IL2RB: variants seen among roughly 807,000 people sequenced by gnomAD.
IL2RB encodes the protein interleukin-2 receptor subunit beta.
In IL2RB, 17 loss-of-function variants were observed where a neutral mutation model predicts 44.2. The observed-to-expected ratio is 0.38, with a 90% CI of 0.26 to 0.58. The LOEUF is 0.58. IL2RB is among the 20% of genes least tolerant of loss of function. IL2RB has a pLI of 0.63. For missense variants in IL2RB, 624 were observed against 685.5 expected, an observed-to-expected ratio of 0.91 and a Z score of 1.00; for synonymous variants, 286 against 297.9, an observed-to-expected ratio of 0.96 and a Z score of 0.41.
chr22:37,146,500 C>T (rs1922233005), intron 1 of IL2RB, among the ~76,000 whole-genome samples: 1 of 152,228 alleles, frequency 6.6e-6, no homozygotes, highest in African/African-American at 2.4e-5. Context: ...CGACACTCAC[C>T]CTCCAAAGGT....
intron 4 of IL2RB, among the ~76,000 whole-genome samples, chr22:37,140,300 T>C: frequency 9.9e-6 from 1 of 101,004 alleles, no homozygotes; most frequent in Admixed American, 8.1e-5. Flanking sequence ...ATTATTATTA[T>C]TATTATTATT....
intron 1 of IL2RB, among the ~76,000 whole-genome samples, chr22:37,160,201 T>C (rs1922810436): frequency 6.6e-6 from 1 of 152,154 alleles, no homozygotes; most frequent in African/African-American, 2.4e-5. Context: ...AGGACACTGA[T>C]TGGCTGATGC....
intron 4 of IL2RB, among the ~76,000 whole-genome samples, chr22:37,139,528 A>G (rs1921864275): frequency 6.6e-6 from 1 of 152,206 alleles, no homozygotes; most frequent in African/African-American, 2.4e-5. Context: ...AGTGGGCTGG[A>G]TATGGCCTAT....
chr22:37,132,617 G>A (rs1165296383), intron 8 of IL2RB, 149 bp from the exon 9 acceptor site: 1 of 632,862 alleles, frequency 1.6e-6, no homozygotes, highest in African/African-American at 1.8e-5. Flanking sequence ...GTTCACTGTG[G>A]GAGGACGCTG....
At position 37,168,111 on chromosome 22, in the gene IL2RB, C is replaced by T. The variant is rs909451827; in HGVS notation, c.-34+6847G>A. 2.6e-5 allele frequency among the ~76,000 whole-genome samples: 4 copies of T among 152,200 alleles called. No homozygotes were observed. The East Asian group carries it at 5.8e-4, about 22-fold the overall frequency. On this transcript the variant is annotated intron_variant, in intron 1 of 5. Transcript: ENST00000429622. ...TGCAAATGATTATAACTAAGGAAAT[C>T]GTGTCAATGTGGTGACCCTTGGCCT... is the stretch of plus-strand genomic sequence containing the variant.
intron 1 of IL2RB, among the ~76,000 whole-genome samples, chr22:37,172,762 A>G: frequency 6.6e-6 from 1 of 152,142 alleles, no homozygotes; most frequent in Non-Finnish European, 1.5e-5. Context: ...TAGCATCGTG[A>G]TGTCTCTGAA....
At chr22:37,160,626 G>A (rs2145736153) in intron 1 of IL2RB, among the ~76,000 whole-genome samples, 2 of 151,354 alleles carry the variant, frequency 1.3e-5, no homozygotes, top group Middle Eastern at 3.4e-3. Flanking sequence ...TGGATTGCTT[G>A]AGCTCAGGAA....
intron 1 of IL2RB, among the ~76,000 whole-genome samples, chr22:37,158,941 C>T (rs978887472): frequency 3.3e-5 from 5 of 152,200 alleles, no homozygotes; most frequent in Admixed American, 2.6e-4. Flanking sequence ...ACAGCCACAA[C>T]GCTGGTTGGC....
chr22:37,150,611 T>C (rs1333314367), upstream of IL2RB, among the ~76,000 whole-genome samples: 2 of 152,212 alleles, frequency 1.3e-5, no homozygotes, highest in Non-Finnish European at 2.9e-5. Flanking sequence ...TAGTTATTTT[T>C]AAATGTACAA....
intron 1 of IL2RB, among the ~76,000 whole-genome samples, chr22:37,169,213 G>T (rs1370957113): frequency 6.6e-6 from 1 of 151,758 alleles, no homozygotes; most frequent in Non-Finnish European, 1.5e-5. Context: ...TTTACAGAGG[G>T]GTTCCTGTTT....
At chr22:37,137,843 C>T (rs1490246288) in intron 5 of IL2RB, 108 bp from the exon 6 acceptor site, 18 of 979,096 alleles carry the variant, frequency 1.8e-5, no homozygotes, top group Admixed American at 2.1e-5. Context: ...CCCTACCCCC[C>T]GACCCAAAGC....
chr22:37,143,453 C>T, intron 3 of IL2RB, 68 bp downstream of exon 3: 1 of 1,041,456 alleles, frequency 9.6e-7, no homozygotes. Context: ...CCTTGGAGTC[C>T]AGTGCATAGG....
intron 1 of IL2RB, among the ~76,000 whole-genome samples, chr22:37,156,956 G>A (rs1922700203): frequency 6.6e-6 from 1 of 152,134 alleles, no homozygotes. Context: ...TGGAAAGTCA[G>A]CAGGTAGCCG....
intron 1 of IL2RB, among the ~76,000 whole-genome samples, chr22:37,156,914 C>T (rs1922698801): frequency 6.6e-6 from 1 of 152,192 alleles, no homozygotes; most frequent in South Asian, 2.1e-4. Flanking sequence ...TTGTGTTCCG[C>T]CCACCCCTGC....
At chr22:37,172,215 TAA>T (rs63579164) in intron 1 of IL2RB, among the ~76,000 whole-genome samples, 53 of 104,430 alleles carry the variant, frequency 5.1e-4, no homozygotes, top group African/African-American at 8.8e-4. Flanking sequence ...AAAGGTAAAG[TAA>T]AAAAAAAAAA....
At chr22:37,142,241 C>A (rs1313029600) in intron 4 of IL2RB, among the ~76,000 whole-genome samples, 193 bp downstream of exon 4, 2 of 152,196 alleles carry the variant, frequency 1.3e-5, no homozygotes, top group African/African-American at 4.8e-5. Context: ...GGCCCTGGGG[C>A]AGGCCTGAGT....
chr22:37,160,412 G>A (rs540001709), intron 1 of IL2RB, among the ~76,000 whole-genome samples: 1 of 152,190 alleles, frequency 6.6e-6, no homozygotes, highest in Admixed American at 6.5e-5. Context: ...TTCTGGGAGG[G>A]TTTGGGCAGG....
intron 1 of IL2RB, among the ~76,000 whole-genome samples, chr22:37,168,707 G>A (rs1006429081): frequency 1.4e-4 from 22 of 152,196 alleles, no homozygotes; most frequent in Admixed American, 5.9e-4. Flanking sequence ...TCCATAGGCC[G>A]GAATGGGTCG....
intron 8 of IL2RB, among the ~76,000 whole-genome samples, chr22:37,133,763 G>A (rs1272993808): frequency 1.3e-5 from 2 of 152,202 alleles, no homozygotes; most frequent in African/African-American, 4.8e-5. Flanking sequence ...ACCACAGCCT[G>A]AGGCCCCAGG....
Sources: allele counts gnomAD v4.1 joint callset (sites outside exome capture counted in the v4.1 genomes callset), GRCh38; gene constraint gnomAD v4.1.1; transcripts MANE v1.5; gene names NCBI Gene and HGNC (gene_info 2026-07-23, HGNC 2026-07-21).